Variants in NOMO3 observed in about 807,000 individuals in gnomAD.
NOMO3 encodes BOS complex subunit NOMO3.
A neutral mutation model predicts 69.9 loss-of-function variants in NOMO3; 15 were observed. That is an observed-to-expected ratio of 0.21 (90% CI 0.14 to 0.33). NOMO3 has a LOEUF of 0.33. Ranked by LOEUF, NOMO3 falls within the 10% of genes least tolerant of loss-of-function variation. The pLI is 1.00. For synonymous variants in NOMO3, 89 were observed against 301.9 expected, an observed-to-expected ratio of 0.29 and a Z score of 7.31; for missense variants, 218 against 761.0, an observed-to-expected ratio of 0.29 and a Z score of 8.39.
Position 16,257,651 on chromosome 16 carries a change from C to T in NOMO3, c.1220+1493C>T, listed in dbSNP as rs542216309. Among the ~76,000 whole-genome samples, 9 of 142,532 alleles carry T rather than the reference C, an allele frequency of 6.3e-5. 2 individuals carry two copies. The highest frequency in any genetic ancestry group is 2.6e-4 in the African/African-American group (9 of 34,198). The allele number at this position is 142,532 out of a possible 152,430, so 93.5% of individuals were successfully genotyped here. A position where few individuals can be genotyped will look rare whatever the true frequency, so the allele number is the denominator to read the frequency against. Reference sequence around the variant, plus strand: ...AGTGCCAGGTGGCCCAGGGGGGGACCTAGGGAGCCTGAGGTCATAGGAGCT... The same window carrying T: ...AGTGCCAGGTGGCCCAGGGGGGGACTTAGGGAGCCTGAGGTCATAGGAGCT... On this transcript the variant is annotated intron_variant, in intron 11 of 30. Transcript: ENST00000399336.
At position 16,274,519 on chromosome 16, in the gene NOMO3, G is replaced by A. The variant is rs1284774579; in HGVS notation, c.2356+444G>A. ...GAATGGATGACTGAAGTGATCACTT[G>A]TGGAGTATTTGTCTTTTGCCACTTA... On this transcript the variant is annotated intron_variant, in intron 20 of 30. Transcript: ENST00000399336. 6.6e-4 allele frequency among the ~76,000 whole-genome samples: 15 copies of A among 22,622 alleles called. 1 individual carries two copies. Among genetic ancestry groups the A allele is most frequent in the Middle Eastern group, 0.012 (1 of 84 alleles). 14.8% of individuals were successfully genotyped at this position (22,622 alleles called of 152,430 possible). A position where few individuals can be genotyped will look rare whatever the true frequency, so the allele number is the denominator to read the frequency against.
At chr16:16,243,069 A>T in intron 3 of NOMO3, 92 bp from the exon 4 acceptor site, 1 of 896,322 alleles carries the variant, frequency 1.1e-6, no homozygotes, top group Admixed American at 3.0e-5. Flanking sequence ...CCTGAATAAT[A>T]AAAATACGTT....
chr16:16,255,856 G>C, intron 10 of NOMO3, 31 bp downstream of exon 10: 1 of 1,508,380 alleles, frequency 6.6e-7, no homozygotes, highest in Non-Finnish European at 8.9e-7. Flanking sequence ...CAGGCTGATG[G>C]CCAGCGCTCT....
chr16:16,236,497 C>T (rs1340563154), intron 1 of NOMO3, among the ~76,000 whole-genome samples: 4 of 144,184 alleles, frequency 2.8e-5, no homozygotes, highest in Admixed American at 2.7e-4. Context: ...ATCTGCCCAC[C>T]TCACCCTCCT....
At chr16:16,254,327 C>T (rs1056795385) in intron 9 of NOMO3, among the ~76,000 whole-genome samples, 4 of 143,050 alleles carry the variant, frequency 2.8e-5, no homozygotes, top group Non-Finnish European at 4.4e-5. Flanking sequence ...TGATTTAGTG[C>T]CTGGCACATA....
intron 11 of NOMO3, among the ~76,000 whole-genome samples, chr16:16,257,636 G>T (rs773904396): frequency 8.5e-5 from 12 of 141,992 alleles, no homozygotes; most frequent in Non-Finnish European, 1.8e-4. Flanking sequence ...AGTGCCAGGT[G>T]GCCCAGGGGG....
In NOMO3 at chr16:16,263,517, C is replaced by T. The variant is rs1359274977; in HGVS notation, c.1542C>T (p.Thr514=). 1 of 1,246,714 alleles carries T rather than the reference C, an allele frequency of 8.0e-7. No homozygotes were observed. The highest frequency in any genetic ancestry group is 3.0e-5 in the East Asian group (1 of 32,940). 77.2% of individuals were successfully genotyped at this position (1,246,714 alleles called of 1,614,324 possible). A position where few individuals can be genotyped will look rare whatever the true frequency, so the allele number is the denominator to read the frequency against. The part of the protein sequence containing the change: ...SVSGKVSCLD[T]CGDLLVTLQS... ...CCTCCCTTCTTTTCCCTGCAGACACCTGTGGTGACTTGCTGGTGACTCTAC... is the reference window on the plus strand; with the variant it reads ...CCTCCCTTCTTTTCCCTGCAGACACTTGTGGTGACTTGCTGGTGACTCTAC... The change falls in exon 14 of 31, where the codon ACC becomes ACT. Residue 514 remains threonine, a synonymous_variant. Transcript: ENST00000399336.
chr16:16,241,150 C>A (rs2049370836), intron 3 of NOMO3, among the ~76,000 whole-genome samples: 1 of 144,696 alleles, frequency 6.9e-6, no homozygotes, highest in Non-Finnish European at 1.5e-5. Context: ...CCCAGAAGTC[C>A]CCATCCTGGG....
intron 3 of NOMO3, among the ~76,000 whole-genome samples, chr16:16,242,680 C>T (rs1470691399): frequency 7.0e-6 from 1 of 143,492 alleles, no homozygotes; most frequent in Non-Finnish European, 1.5e-5. Flanking sequence ...CTCTGTTACT[C>T]AGAAGCTCTG....
At chr16:16,265,481 G>T (rs1344666573) in intron 15 of NOMO3, among the ~76,000 whole-genome samples, 8 of 137,296 alleles carry the variant, frequency 5.8e-5, no homozygotes, top group Admixed American at 7.1e-5. Flanking sequence ...TAATAGCTTT[G>T]GGTAAATTCA....
At position 16,258,299 on chromosome 16, in the gene NOMO3, A is replaced by C. The variant is rs1186023287; in HGVS notation, c.1220+2141A>C. Reference sequence around the variant, plus strand: ...TTATGGCAAATGTTGTGCAGGGAAGAGATCAGGGTGCTGCAAGAAGAGCTA... The same window carrying C: ...TTATGGCAAATGTTGTGCAGGGAAGCGATCAGGGTGCTGCAAGAAGAGCTA... On this transcript the variant is annotated intron_variant, in intron 11 of 30. Coordinates refer to ENST00000399336, the MANE Select transcript of NOMO3 (RefSeq NM_001004067.4). Among the ~76,000 whole-genome samples the C allele has an allele frequency of 2.1e-4, 28 of 134,754 alleles. 2 individuals are homozygous for C. The highest frequency in any genetic ancestry group is 3.5e-4 in the Non-Finnish European group (23 of 65,286). 88.4% of individuals were successfully genotyped at this position (134,754 alleles called of 152,430 possible).
chr16:16,258,145 A>G (rs970369486), intron 11 of NOMO3, among the ~76,000 whole-genome samples: 2 of 142,922 alleles, frequency 1.4e-5, no homozygotes, highest in African/African-American at 2.8e-5. Context: ...GCAAAACACC[A>G]TCTCTACCAA....
intron 2 of NOMO3, among the ~76,000 whole-genome samples, chr16:16,238,704 A>G (rs2049350648): frequency 7.0e-6 from 1 of 142,616 alleles, no homozygotes; most frequent in Non-Finnish European, 1.5e-5. Flanking sequence ...AATGCATAGG[A>G]TTGATTTCTA....
intron 4 of NOMO3, among the ~76,000 whole-genome samples, chr16:16,244,004 G>A (rs2049395534): frequency 6.9e-6 from 1 of 144,022 alleles, no homozygotes; most frequent in African/African-American, 2.8e-5. Flanking sequence ...TAAGTTCTGA[G>A]ATTTTTTTGG....
rs998727774 is a variant in NOMO3, at chr16:16,263,879, G to A, written c.1669+235G>A. Among the ~76,000 whole-genome samples the A allele has an allele frequency of 1.5e-3, 45 of 30,036 alleles. 3 individuals carry two copies. The highest frequency in any genetic ancestry group is 9.5e-4 in the African/African-American group (7 of 7,392). 19.7% of individuals were successfully genotyped at this position (30,036 alleles called of 152,430 possible). ...CACTGGCGGCTTCTGTTAAGGGAGG[G>A]TGCCCCGACGTATGGCATTTTATTT... On this transcript the variant is annotated intron_variant, in intron 14 of 30. Coordinates refer to ENST00000399336, the MANE Select transcript of NOMO3 (RefSeq NM_001004067.4).
Position 16,252,963 on chromosome 16 carries a change from A to G in NOMO3, c.963+441A>G, listed in dbSNP as rs940997210. ...ATCCTCCCACCTCAGCCTGTTGAGT[A>G]GCTGGGACCACAGGCACGTGCCACC... On this transcript the variant is annotated intron_variant, in intron 9 of 30. Coordinates refer to ENST00000399336, the MANE Select transcript of NOMO3 (RefSeq NM_001004067.4). Among the ~76,000 whole-genome samples the G allele has an allele frequency of 3.6e-4, 49 of 134,632 alleles. 4 individuals carry two copies. Among genetic ancestry groups the G allele is most frequent in the Non-Finnish European group, 6.3e-4 (42 of 66,156 alleles). 88.3% of individuals were successfully genotyped at this position (134,632 alleles called of 152,430 possible).
intron 2 of NOMO3, 131 bp downstream of exon 2, chr16:16,237,121 C>T: frequency 1.2e-6 from 1 of 800,206 alleles, no homozygotes; most frequent in Non-Finnish European, 2.0e-6. Context: ...ATATGATAAT[C>T]CTAGCCACAT....
In NOMO3 at chr16:16,259,447, C is replaced by T. The variant is rs1332573858; in HGVS notation, c.1221-2055C>T. On this transcript the variant is annotated intron_variant, in intron 11 of 30. Coordinates refer to ENST00000399336, the MANE Select transcript of NOMO3 (RefSeq NM_001004067.4). ...CACTGCAGCCTCCGCCTCTCGGGTTCAAGTGATTCTCCTGCCCCAGCCTCC... is the reference window on the plus strand; with the variant it reads ...CACTGCAGCCTCCGCCTCTCGGGTTTAAGTGATTCTCCTGCCCCAGCCTCC... Among the ~76,000 whole-genome samples, 2 of 138,992 alleles carry T rather than the reference C, an allele frequency of 1.4e-5. 1 individual carries two copies. The highest frequency in any genetic ancestry group is 4.7e-4 in the East Asian group (2 of 4,252). The allele number at this position is 138,992 out of a possible 152,430, so 91.2% of individuals were successfully genotyped here.
chr16:16,236,793 A>G (rs2049330281), intron 1 of NOMO3, 108 bp from the exon 2 acceptor site: 2 of 1,016,058 alleles, frequency 2.0e-6, no homozygotes, highest in Non-Finnish European at 2.8e-6. Context: ...GCTGGCATAT[A>G]ATAGGTCCTC....
Sources: allele counts gnomAD v4.1 joint callset (sites outside exome capture counted in the v4.1 genomes callset), GRCh38; gene constraint gnomAD v4.1.1; transcripts MANE v1.5; gene names NCBI Gene and HGNC (gene_info 2026-07-23, HGNC 2026-07-21).